Variants in AGO4 observed in about 807,000 individuals in gnomAD.
AGO4 encodes argonaute RISC component 4.
A neutral mutation model predicts 104.7 loss-of-function variants in AGO4; 33 were observed. The ratio of observed to expected loss-of-function variants is 0.32; its 90% confidence interval spans 0.24 to 0.42. The LOEUF (loss-of-function observed/expected upper bound fraction) is 0.42. Ranked by LOEUF, AGO4 falls within the 10% of genes least tolerant of loss-of-function variation. AGO4 has a pLI of 1.00. For synonymous variants in AGO4, 331 were observed against 364.7 expected, an observed-to-expected ratio of 0.91 and a Z score of 1.05; for missense variants, 711 against 1,083.4, an observed-to-expected ratio of 0.66 and a Z score of 4.83.
Position 35,832,418 on chromosome 1 carries a change from C to CTTCT in AGO4, c.1246-17_1246-16insCTTT. On this transcript the variant is annotated intron_variant, in intron 10 of 17. Coordinates refer to ENST00000373210, the MANE Select transcript of AGO4 (RefSeq NM_017629.4). ...TTTGTTTCTTCTTCTTCTTCTTCTT[C>CTTCT]TTTTTTTTTTTTTCAAAGAATAAAA... 6 of 1,152,136 alleles carry CTTCT rather than the reference C, an allele frequency of 5.2e-6. No individual in the cohort carries two copies. The highest frequency in any genetic ancestry group is 2.1e-4 in the Middle Eastern group (1 of 4,710). The allele number at this position is 1,152,136 out of a possible 1,614,324, so 71.4% of individuals were successfully genotyped here.
intron 15 of AGO4, among the ~76,000 whole-genome samples, chr1:35,844,854 T>C (rs1026371552): frequency 6.6e-6 from 1 of 152,226 alleles, no homozygotes; most frequent in African/African-American, 2.4e-5. Context: ...TTTTCTTCCT[T>C]TCACGACTAA....
Position 35,853,680 on chromosome 1 carries a change from A to G in AGO4, c.*75A>G. The G allele has an allele frequency of 7.8e-7, 1 of 1,280,734 alleles. No individual in the cohort carries two copies. Among genetic ancestry groups the G allele is most frequent in the Admixed American group, 1.9e-5 (1 of 51,854 alleles). 79.3% of individuals were successfully genotyped at this position (1,280,734 alleles called of 1,614,324 possible). A position where few individuals can be genotyped will look rare whatever the true frequency, so the allele number is the denominator to read the frequency against. ...AATGTTTCAAATGCCTACCGCCTCT[A>G]GATCGAGCCACGTTGACTTCAGGTG... is the stretch of plus-strand genomic sequence containing the variant. On this transcript the variant is annotated 3_prime_UTR_variant, in exon 18 of 18. Transcript: ENST00000373210.
At position 35,831,821 on chromosome 1, in the gene AGO4, A is replaced by T; in HGVS notation, c.1006A>T (p.Ile336Leu). 1 of 1,614,098 alleles carries T rather than the reference A, an allele frequency of 6.2e-7. No homozygotes were observed. The change falls in exon 9 of 18, where the codon ATA becomes TTA. Residue 336 changes from isoleucine to leucine, a missense_variant. Ile to Leu is a conservative substitution (Grantham distance 5). This residue lies in a region of AGO4 where 401 missense variants were observed against 665.5 expected (regional missense o/e 0.60). Transcript: ENST00000373210. ...HTYLPLEVCN[I>L]VAGQRCIKKL... ...CTTTGTCTCTTGGCAGGTCTGTAAT[A>T]TAGTGGCAGGACAGCGATGTATCAA... is the stretch of plus-strand genomic sequence containing the variant.
intron 17 of AGO4, 96 bp downstream of exon 17, chr1:35,851,149 T>A: frequency 8.0e-7 from 1 of 1,245,608 alleles, no homozygotes; most frequent in Non-Finnish European, 1.1e-6. Flanking sequence ...ATTTAAACTT[T>A]CAGAGTTTAA....
chr1:35,850,671 C>CT (rs1241865297), intron 16 of AGO4, among the ~76,000 whole-genome samples, 183 bp from the exon 17 acceptor site: 1 of 149,260 alleles, frequency 6.7e-6, no homozygotes, highest in Non-Finnish European at 1.5e-5. Flanking sequence ...GTCCCAGCTA[C>CT]TTGGGAGGCC....
rs1259352702 is a variant in AGO4 at position 35,825,911 on chromosome 1, TTC to T, written c.626-11_626-10del. On this transcript the variant is annotated splice_polypyrimidine_tract_variant and intron_variant, in intron 5 of 17. Coordinates refer to ENST00000373210, the MANE Select transcript of AGO4 (RefSeq NM_017629.4). ...CCCTTTTCCCTGAAGTGAAGTATCCTTCTCTGTTTGTTAGTATCTGCAACTGC... is the reference window on the plus strand; with the variant it reads ...CCCTTTTCCCTGAAGTGAAGTATCCTTCTGTTTGTTAGTATCTGCAACTGC... 1 of 1,613,252 alleles carries T rather than the reference TTC, an allele frequency of 6.2e-7. No homozygotes were observed. Among genetic ancestry groups the T allele is most frequent in the East Asian group, 2.2e-5 (1 of 44,890 alleles).
rs1479742667 is a variant in AGO4, at chr1:35,808,826, C to T, written c.19+391C>T. Among the ~76,000 whole-genome samples the T allele has an allele frequency of 6.6e-6, 1 of 152,222 alleles. No homozygotes were observed. Among genetic ancestry groups the T allele is most frequent in the African/African-American group, 2.4e-5 (1 of 41,466 alleles). ...CAGACCGGGAAAAGGGCCCCGCTGCCTACTACCAGCCGGTAGTCCTGGTTT... is the reference window on the plus strand; with the variant it reads ...CAGACCGGGAAAAGGGCCCCGCTGCTTACTACCAGCCGGTAGTCCTGGTTT... On this transcript the variant is annotated intron_variant, in intron 1 of 17. Transcript: ENST00000373210. The surrounding 1 kb of genome is among the most constrained non-coding windows in gnomAD (Gnocchi z 5.2).
At chr1:35,812,600 T>G (rs927836137) in intron 1 of AGO4, among the ~76,000 whole-genome samples, 3 of 152,138 alleles carry the variant, frequency 2.0e-5, no homozygotes, top group African/African-American at 7.2e-5. Context: ...ACATTTTTTT[T>G]CTTTTTTTTT....
intron 5 of AGO4, 50 bp from the exon 6 acceptor site, chr1:35,825,876 T>C: frequency 6.2e-7 from 1 of 1,604,776 alleles, no homozygotes; most frequent in South Asian, 1.1e-5. Context: ...GTTTGTTTGT[T>C]TTGGCCCTTC....
At chr1:35,816,281 A>C (rs1485745400) in intron 1 of AGO4, among the ~76,000 whole-genome samples, 1 of 152,182 alleles carries the variant, frequency 6.6e-6, no homozygotes, top group African/African-American at 2.4e-5. Context: ...AGCTTTACTA[A>C]TGCTCATGCA....
intron 2 of AGO4, among the ~76,000 whole-genome samples, chr1:35,818,865 A>C (rs1643816810): frequency 6.6e-6 from 1 of 152,142 alleles, no homozygotes. Context: ...TTTAAATACT[A>C]AACCCACAAC....
chr1:35,832,037 C>CA lies in AGO4; in HGVS notation c.1117-19dup. Reference sequence around the variant, plus strand: ...AGTTACTCTCTGGTTTTTATATATGCAGGCTTTCCTGTTCTTTAGGTGAAG... The same window carrying CA: ...AGTTACTCTCTGGTTTTTATATATGCAAGGCTTTCCTGTTCTTTAGGTGAAG... On this transcript the variant is annotated intron_variant, in intron 9 of 17. Transcript: ENST00000373210. 6 of 1,606,642 alleles carry CA rather than the reference C, an allele frequency of 3.7e-6. No individual in the cohort carries two copies. The highest frequency in any genetic ancestry group is 5.1e-6 in the Non-Finnish European group (6 of 1,177,928).
At chr1:35,846,741 T>C (rs999992478) in intron 15 of AGO4, among the ~76,000 whole-genome samples, 1 of 151,956 alleles carries the variant, frequency 6.6e-6, no homozygotes, top group Non-Finnish European at 1.5e-5. Context: ...TAAGCCACCA[T>C]ACCTGGCCCT....
intron 2 of AGO4, among the ~76,000 whole-genome samples, chr1:35,821,950 C>T (rs75807978): frequency 0.1 from 15,285 of 151,168 alleles, 1,235 homozygotes; most frequent in African/African-American, 0.23. Context: ...TACAGTGGAA[C>T]GATCTCAGCT....
chr1:35,820,793 A>C (rs1373523620), intron 2 of AGO4, among the ~76,000 whole-genome samples: 2 of 152,238 alleles, frequency 1.3e-5, no homozygotes, highest in African/African-American at 4.8e-5. Context: ...CCATGAGCAG[A>C]TCAGAGTACA....
At chr1:35,819,789 C>A (rs1571263408) in intron 2 of AGO4, among the ~76,000 whole-genome samples, 1 of 138,404 alleles carries the variant, frequency 7.2e-6, no homozygotes. Flanking sequence ...CAGAGTGAGA[C>A]TCTGAGTCTT....
intron 15 of AGO4, among the ~76,000 whole-genome samples, chr1:35,847,725 T>C (rs1166989430): frequency 6.6e-6 from 1 of 152,214 alleles, no homozygotes; most frequent in Non-Finnish European, 1.5e-5. Flanking sequence ...TTTTTCTAGG[T>C]TGCTTTAGTA....
Position 35,854,827 on chromosome 1 carries a change from C to T in AGO4, c.*1222C>T, listed in dbSNP as rs1175731227. 6.6e-6 allele frequency: 1 copy of T among 152,626 alleles called. No individual in the cohort carries two copies. Among genetic ancestry groups the T allele is most frequent in the Non-Finnish European group, 1.5e-5 (1 of 68,042 alleles). 9.5% of individuals were successfully genotyped at this position (152,626 alleles called of 1,614,324 possible). The stretch of plus-strand genomic sequence containing the variant: ...TTTCTTTTCCTGGGAATCAAGGTAA[C>T]TCACACGACTACTTGCAGTACAAAT... On this transcript the variant is annotated 3_prime_UTR_variant, in exon 18 of 18. Transcript: ENST00000373210.
intron 7 of AGO4, among the ~76,000 whole-genome samples, chr1:35,827,672 C>T (rs1644059242): frequency 6.6e-6 from 1 of 151,818 alleles, no homozygotes; most frequent in South Asian, 2.1e-4. Flanking sequence ...TTCAATTTAC[C>T]TCTTAAGTAG....
Sources: gnomAD v4.1 joint callset for allele counts (sites outside exome capture counted in the v4.1 genomes callset) on GRCh38, gnomAD v4.1.1 for gene constraint, gnomAD v4.1.1 regional missense constraint, Gnocchi (gnomAD v3.1) non-coding constraint, MANE v1.5 for transcripts, NCBI Gene and HGNC (gene_info 2026-07-23, HGNC 2026-07-21) for gene names.